CNTN4: variants seen among roughly 807,000 people sequenced by gnomAD.
The protein encoded by CNTN4 is contactin-4.
In CNTN4, 77 loss-of-function variants were observed where a neutral mutation model predicts 122.5. That is an observed-to-expected ratio of 0.63 (90% CI 0.52 to 0.76). The LOEUF (loss-of-function observed/expected upper bound fraction) is 0.76. Among genes scored for constraint, CNTN4 ranks in the 30% least tolerant of loss-of-function variants. CNTN4 has a pLI of 0.00. For missense variants in CNTN4, 1,256 were observed against 1,259.1 expected, an observed-to-expected ratio of 1.00 and a Z score of 0.04; for synonymous variants, 512 against 447.0, an observed-to-expected ratio of 1.15 and a Z score of -1.83.
At chr3:2,378,346 A>G (rs1346180727) in intron 3 of CNTN4, among the ~76,000 whole-genome samples, 3 of 152,284 alleles carry the variant, frequency 2.0e-5, no homozygotes, top group East Asian at 1.9e-4. Context: ...GAAAGAACCC[A>G]TAGCAGCTTG....
intron 2 of CNTN4, among the ~76,000 whole-genome samples, chr3:2,130,674 A>G (rs1312208387): frequency 1.3e-5 from 2 of 152,214 alleles, no homozygotes; most frequent in African/African-American, 4.8e-5. Context: ...GTTTTAATAC[A>G]TAGTCCCAAG....
intron 2 of CNTN4, among the ~76,000 whole-genome samples, chr3:2,303,446 G>A (rs1355960558): frequency 1.3e-5 from 2 of 152,058 alleles, no homozygotes; most frequent in Non-Finnish European, 2.9e-5. Flanking sequence ...GGAAGCAGGC[G>A]ATATGTGGTT....
intron 2 of CNTN4, among the ~76,000 whole-genome samples, chr3:2,240,647 A>G (rs2039894643): frequency 6.6e-6 from 1 of 152,122 alleles, no homozygotes; most frequent in Non-Finnish European, 1.5e-5. Flanking sequence ...CTACATATGG[A>G]AGCTTAGTCA....
chr3:2,169,613 G>A (rs1289222535), intron 2 of CNTN4, among the ~76,000 whole-genome samples: 5 of 151,906 alleles, frequency 3.3e-5, no homozygotes, highest in Non-Finnish European at 7.4e-5. Flanking sequence ...TAGCCAGGAT[G>A]GTCTCGATCT....
At chr3:2,531,750 C>T (rs1020279333) in intron 3 of CNTN4, among the ~76,000 whole-genome samples, 1 of 152,122 alleles carries the variant, frequency 6.6e-6, no homozygotes, top group Non-Finnish European at 1.5e-5. Context: ...GTGGAATTAT[C>T]TCCCCCATAT....
At chr3:2,460,743 G>C (rs764750262) in intron 3 of CNTN4, among the ~76,000 whole-genome samples, 6 of 152,166 alleles carry the variant, frequency 3.9e-5, no homozygotes, top group Non-Finnish European at 7.3e-5. Flanking sequence ...TTATAGATTA[G>C]TCTATTAAAT....
chr3:2,442,751 T>C (rs1264631926), intron 3 of CNTN4, among the ~76,000 whole-genome samples: 1 of 152,176 alleles, frequency 6.6e-6, no homozygotes, highest in Admixed American at 6.6e-5. Context: ...CTAGTACTAT[T>C]TCTTTGACAG....
chr3:2,736,546 C>T (rs1181076467), intron 5 of CNTN4, among the ~76,000 whole-genome samples: 1 of 151,592 alleles, frequency 6.6e-6, no homozygotes, highest in Non-Finnish European at 1.5e-5. Context: ...TCACCACAAC[C>T]TCCGCCTCCC....
At chr3:2,656,835 CT>C (rs2083612370) in intron 4 of CNTN4, among the ~76,000 whole-genome samples, 1 of 152,142 alleles carries the variant, frequency 6.6e-6, no homozygotes, top group Non-Finnish European at 1.5e-5. Flanking sequence ...AGCTGTCTTC[CT>C]TTTCCTGTGG....
chr3:2,516,738 A>G (rs1239449553), intron 3 of CNTN4, among the ~76,000 whole-genome samples: 1 of 152,134 alleles, frequency 6.6e-6, no homozygotes, highest in African/African-American at 2.4e-5. Context: ...AGGAGCTGCA[A>G]AGGAATAAAG....
In CNTN4 at chr3:3,029,301, C is replaced by G. The variant is rs1218073027; in HGVS notation, c.1663-1554C>G. ...GTAATACCAGTTTAGAGTTAATCTA[C>G]GCTTCAAGGTTTCAGAAGATTTTCA... On this transcript the variant is annotated intron_variant, in intron 15 of 24. Transcript: ENST00000418658. Among the ~76,000 whole-genome samples, 3 of 152,174 alleles carry G rather than the reference C, an allele frequency of 2.0e-5. No homozygotes were observed. In the East Asian group the frequency reaches 5.8e-4, roughly 29 times the overall value.
intron 10 of CNTN4, among the ~76,000 whole-genome samples, chr3:2,895,676 TAGG>T (rs1454993193): frequency 6.6e-6 from 1 of 152,190 alleles, no homozygotes; most frequent in Non-Finnish European, 1.5e-5. Context: ...ACAGAAAAAC[TAGG>T]AGAACTATGA....
At chr3:2,120,372 T>TAA (rs1491338850) in intron 2 of CNTN4, among the ~76,000 whole-genome samples, 1 of 84,340 alleles carries the variant, frequency 1.2e-5, no homozygotes, top group South Asian at 4.0e-4. Flanking sequence ...TATATATATA[T>TAA]AAATATATAT....
At chr3:2,869,731 T>A (rs534554458) in intron 8 of CNTN4, among the ~76,000 whole-genome samples, 12 of 152,330 alleles carry the variant, frequency 7.9e-5, no homozygotes, top group African/African-American at 2.6e-4. Context: ...TCATCCGACT[T>A]TGTACTGCGC....
intron 7 of CNTN4, among the ~76,000 whole-genome samples, chr3:2,835,840 A>G (rs569973914): frequency 7.2e-5 from 11 of 152,246 alleles, no homozygotes; most frequent in African/African-American, 2.6e-4. Context: ...TTAAGTATTC[A>G]CCTCATGCAA....
chr3:2,247,522 C>T (rs573016229), intron 2 of CNTN4, among the ~76,000 whole-genome samples: 3 of 152,054 alleles, frequency 2.0e-5, no homozygotes, highest in African/African-American at 7.2e-5. Flanking sequence ...GGGAAAATTG[C>T]TATTTTTCTA....
At chr3:2,398,203 A>G (rs1006680459) in intron 3 of CNTN4, among the ~76,000 whole-genome samples, 3 of 152,184 alleles carry the variant, frequency 2.0e-5, no homozygotes, top group African/African-American at 7.2e-5. Context: ...ACTTTTAAGT[A>G]TGCTTAAAGA....
intron 2 of CNTN4, among the ~76,000 whole-genome samples, chr3:2,335,320 A>ATAGC (rs10625621): frequency 0.75 from 113,958 of 151,650 alleles, 43,267 homozygotes; most frequent in East Asian, 0.94. Context: ...GATTATAATG[A>ATAGC]TAGCATTTAT....
chr3:2,721,227 C>G (rs1268273032), intron 4 of CNTN4, among the ~76,000 whole-genome samples: 1 of 152,156 alleles, frequency 6.6e-6, no homozygotes, highest in Non-Finnish European at 1.5e-5. Flanking sequence ...CCACCTCAGC[C>G]TCCCCAAATG....
Sources: allele counts gnomAD v4.1 joint callset (sites outside exome capture counted in the v4.1 genomes callset), GRCh38; gene constraint gnomAD v4.1.1; transcripts MANE v1.5; gene names NCBI Gene and HGNC (gene_info 2026-07-23, HGNC 2026-07-21).